QTMAN: variants seen among roughly 807,000 people sequenced by gnomAD.
The protein encoded by QTMAN is tRNA-queuosine alpha-mannosyltransferase.
the QTMAN span, among the ~76,000 whole-genome samples, chr2:144,229,562 G>A: frequency 3.3e-5 from 5 of 152,162 alleles, no homozygotes; most frequent in Non-Finnish European, 5.9e-5. Context: ...ACTTTGGAGG[G>A]AAGGAGAGTG....
At chr2:144,329,474 T>C in the QTMAN span, among the ~76,000 whole-genome samples, 1 of 152,200 alleles carries the variant, frequency 6.6e-6, no homozygotes, top group African/African-American at 2.4e-5. Context: ...CTGAAAAACA[T>C]ATCCTTATAA....
chr2:144,127,717 T>C, the QTMAN span, among the ~76,000 whole-genome samples: 2 of 151,972 alleles, frequency 1.3e-5, no homozygotes, highest in African/African-American at 4.8e-5. Context: ...ACCTATGTTC[T>C]CTCTCACATG....
At chr2:143,973,121 G>T in the QTMAN span, among the ~76,000 whole-genome samples, 1 of 151,272 alleles carries the variant, frequency 6.6e-6, no homozygotes, top group African/African-American at 2.4e-5. Context: ...TAGTAAGTGG[G>T]TTTTTTTTTC....
chr2:144,196,923 A>C, the QTMAN span, among the ~76,000 whole-genome samples: 1 of 152,196 alleles, frequency 6.6e-6, no homozygotes, highest in Non-Finnish European at 1.5e-5. Context: ...CAAATAATGG[A>C]TCACTTATTG....
chr2:144,316,399 T>C, the QTMAN span, among the ~76,000 whole-genome samples: 1 of 152,228 alleles, frequency 6.6e-6, no homozygotes, highest in Non-Finnish European at 1.5e-5. Flanking sequence ...CCAGTTATCA[T>C]CCCTGCATCC....
chr2:144,061,378 G>C, the QTMAN span, among the ~76,000 whole-genome samples: 31 of 152,004 alleles, frequency 2.0e-4, no homozygotes, highest in Non-Finnish European at 4.0e-4. Flanking sequence ...CTCCATTATT[G>C]CATTTTCTTT....
the QTMAN span, among the ~76,000 whole-genome samples, chr2:144,121,253 T>C: frequency 6.6e-5 from 10 of 152,148 alleles, no homozygotes; most frequent in Non-Finnish European, 1.2e-4. Flanking sequence ...GGAGAATCAC[T>C]ACCCTCGCAC....
the QTMAN span, among the ~76,000 whole-genome samples, chr2:144,003,141 T>G: frequency 6.6e-6 from 1 of 151,922 alleles, no homozygotes; most frequent in Non-Finnish European, 1.5e-5. Flanking sequence ...CAGTTTTAAT[T>G]TCTAATACAG....
At chr2:144,255,695 G>A in the QTMAN span, among the ~76,000 whole-genome samples, 1 of 152,222 alleles carries the variant, frequency 6.6e-6, no homozygotes, top group Non-Finnish European at 1.5e-5. Flanking sequence ...CTGAAGGAGG[G>A]AGAGAAGAAG....
the QTMAN span, among the ~76,000 whole-genome samples, chr2:144,022,046 C>A: frequency 6.6e-6 from 1 of 152,038 alleles, no homozygotes; most frequent in Non-Finnish European, 1.5e-5. Flanking sequence ...GTAGGGAGGA[C>A]TGAGGAAGAA....
At chr2:144,020,825 C>T in the QTMAN span, among the ~76,000 whole-genome samples, 1 of 151,202 alleles carries the variant, frequency 6.6e-6, no homozygotes, top group East Asian at 1.9e-4. Context: ...TTGATAATTG[C>T]ATCCATGGCA....
At chr2:144,158,736 A>C in the QTMAN span, among the ~76,000 whole-genome samples, 1 of 152,056 alleles carries the variant, frequency 6.6e-6, no homozygotes, top group African/African-American at 2.4e-5. Context: ...ATGTGCAAAA[A>C]AAGTCAGAAA....
chr2:144,172,621 CAAAAAAAAAAAAA>C, the QTMAN span, among the ~76,000 whole-genome samples: 2 of 51,366 alleles, frequency 3.9e-5, no homozygotes, highest in East Asian at 1.2e-3. Flanking sequence ...AAGACTCTGT[CAAAAAAAAAAAAA>C]AAAAAAAAAA....
the QTMAN span, among the ~76,000 whole-genome samples, chr2:143,987,917 G>C: frequency 6.6e-6 from 1 of 152,142 alleles, no homozygotes; most frequent in Non-Finnish European, 1.5e-5. Context: ...CTGTGGGCTG[G>C]GAAAGGTGAG....
At chr2:144,114,879 C>A in the QTMAN span, among the ~76,000 whole-genome samples, 1 of 152,156 alleles carries the variant, frequency 6.6e-6, no homozygotes, top group South Asian at 2.1e-4. Flanking sequence ...CCAGAACATA[C>A]TGCAGGCATA....
the QTMAN span, among the ~76,000 whole-genome samples, chr2:144,090,715 T>C: frequency 6.6e-6 from 1 of 152,046 alleles, no homozygotes; most frequent in Non-Finnish European, 1.5e-5. Flanking sequence ...TTAATGGAAA[T>C]ATATAGTATA....
chr2:144,234,076 C>T, the QTMAN span, among the ~76,000 whole-genome samples: 1 of 152,036 alleles, frequency 6.6e-6, no homozygotes, highest in Non-Finnish European at 1.5e-5. Context: ...CTATTCTGAC[C>T]TTGATTTCTC....
the QTMAN span, among the ~76,000 whole-genome samples, chr2:144,070,223 A>T: frequency 1.3e-5 from 2 of 152,108 alleles, no homozygotes; most frequent in African/African-American, 2.4e-5. Flanking sequence ...CACTGTTACC[A>T]TCATTACTTT....
At chr2:144,233,374 G>A in the QTMAN span, among the ~76,000 whole-genome samples, 1 of 152,206 alleles carries the variant, frequency 6.6e-6, no homozygotes, top group Non-Finnish European at 1.5e-5. Context: ...TGTGGAAGTT[G>A]TAAGGGGAAT....
Sources: allele counts gnomAD v4.1 joint callset (sites outside exome capture counted in the v4.1 genomes callset), GRCh38; gene constraint gnomAD v4.1.1; transcripts MANE v1.5; gene names NCBI Gene and HGNC (gene_info 2026-07-23, HGNC 2026-07-21).